GPHN: variants seen among roughly 807,000 people sequenced by gnomAD.
GPHN encodes gephyrin.
Under a neutral mutation model 95.5 loss-of-function variants are expected in GPHN, and 17 were observed. That is an observed-to-expected ratio of 0.18 (90% CI 0.12 to 0.27). The LOEUF is 0.27. GPHN is among the 10% of genes least tolerant of loss of function. The probability of loss-of-function intolerance (pLI) is 1.00; values close to 1 mark genes in which losing one functional copy is unlikely to be tolerated. For missense variants in GPHN, 660 were observed against 978.1 expected (o/e 0.67, Z 4.34); for synonymous variants, 320 against 322.5 (o/e 0.99, Z 0.08).
intron 1 of GPHN, among the ~76,000 whole-genome samples, chr14:66,562,393 A>C (rs1236686597): frequency 7.9e-5 from 12 of 152,178 alleles, no homozygotes; most frequent in Admixed American, 7.9e-4. Context: ...TCATTTTTAC[A>C]ATATATACAT....
Position 67,069,514 on chromosome 14 carries a change from G to C in GPHN, c.1144+10728G>C, listed in dbSNP as rs560980877. 4.0e-4 allele frequency among the ~76,000 whole-genome samples: 61 copies of C among 152,362 alleles called. No individual in the cohort carries two copies. In the South Asian group the frequency reaches 0.012, roughly 31 times the overall value. On this transcript the variant is annotated intron_variant, in intron 11 of 22. Coordinates refer to ENST00000478722, the MANE Select transcript of GPHN (RefSeq NM_020806.5). ...ATGTGCCGTGGTCAGTATTCTAAAA[G>C]AGATACTTCACTGCTACAAACTTAG...
intron 1 of GPHN, among the ~76,000 whole-genome samples, chr14:66,541,293 G>C (rs1188600424): frequency 6.6e-6 from 1 of 152,148 alleles, no homozygotes; most frequent in African/African-American, 2.4e-5. Flanking sequence ...TGGCATGTTA[G>C]TGTCATCACT....
At chr14:67,027,066 T>C (rs1002120431) in intron 10 of GPHN, among the ~76,000 whole-genome samples, 2 of 152,230 alleles carry the variant, frequency 1.3e-5, no homozygotes, top group African/African-American at 2.4e-5. Flanking sequence ...TGATAGCTGG[T>C]ATATCCGTGG....
At chr14:66,792,848 C>G (rs554309026) in intron 3 of GPHN, among the ~76,000 whole-genome samples, 17 of 152,346 alleles carry the variant, frequency 1.1e-4, no homozygotes, top group African/African-American at 3.8e-4. Flanking sequence ...AACAGCAAGC[C>G]AGTCATTAGC....
the GPHN span, chr14:67,578,070 CT>C: frequency 1.9e-6 from 3 of 1,613,952 alleles, no homozygotes; most frequent in Non-Finnish European, 2.5e-6. The surrounding 1 kb of genome is among the most constrained non-coding windows in gnomAD (Gnocchi z 5.0). Flanking sequence ...CCTCGGTGGA[CT>C]ACCATGTGTC....
rs149980855 is a variant in GPHN, at chr14:66,526,090, C to T, written c.64+17499C>T. On this transcript the variant is annotated intron_variant, in intron 1 of 22. Coordinates refer to ENST00000478722, the MANE Select transcript of GPHN (RefSeq NM_020806.5). ...ATAAATTACTTTGGGCAGCATGGCT[C>T]ACCATACTGATTCTCCCTATCCATT... 1.1e-3 allele frequency among the ~76,000 whole-genome samples: 173 copies of T among 150,674 alleles called. No homozygotes were observed. In the Middle Eastern group the frequency reaches 0.014, roughly 12 times the overall value.
At chr14:66,641,554 A>G (rs1177290137) in intron 1 of GPHN, among the ~76,000 whole-genome samples, 2 of 152,090 alleles carry the variant, frequency 1.3e-5, no homozygotes, top group African/African-American at 4.8e-5. Context: ...GCAAAAATTG[A>G]TAGAAGCAAA....
intron 5 of GPHN, among the ~76,000 whole-genome samples, chr14:66,895,820 G>A (rs1185949611): frequency 6.6e-6 from 1 of 152,026 alleles, no homozygotes; most frequent in Non-Finnish European, 1.5e-5. Context: ...GATACAGGAG[G>A]GAAAAGAGAG....
intron 10 of GPHN, among the ~76,000 whole-genome samples, chr14:67,039,043 G>C (rs1278143859): frequency 6.6e-6 from 1 of 152,092 alleles, no homozygotes; most frequent in East Asian, 1.9e-4. Flanking sequence ...TCTTCCATCA[G>C]TCAAGTATTA....
At chr14:67,384,364 G>A in the GPHN span, 1 of 138,982 alleles carries the variant, frequency 7.2e-6, no homozygotes, top group South Asian at 2.4e-4. Context: ...AACACTTACT[G>A]TTGTTTTTTT....
At chr14:67,287,182 G>A in the GPHN span, among the ~76,000 whole-genome samples, 4 of 151,988 alleles carry the variant, frequency 2.6e-5, no homozygotes, top group African/African-American at 4.8e-5. Context: ...TCACACCACC[G>A]AACTCTAGCC....
At chr14:67,571,865 G>C in the GPHN span, 1 of 1,613,380 alleles carries the variant, frequency 6.2e-7, no homozygotes, top group Non-Finnish European at 8.5e-7. Flanking sequence ...AGTCCAGGAA[G>C]ACCAGCGGAC....
At chr14:67,685,386 G>C in the GPHN span, among the ~76,000 whole-genome samples, 2 of 152,160 alleles carry the variant, frequency 1.3e-5, no homozygotes, top group Non-Finnish European at 2.9e-5. Flanking sequence ...GAAGGCTCTA[G>C]AGTAGACAGT....
the GPHN span, chr14:67,678,341 G>A: frequency 6.2e-7 from 1 of 1,613,172 alleles, no homozygotes; most frequent in East Asian, 2.2e-5. Context: ...GGGAGGCCCA[G>A]CAGGTCACAA....
the GPHN span, chr14:67,728,342 A>T: frequency 7.0e-4 from 107 of 152,428 alleles, no homozygotes; most frequent in African/African-American, 2.5e-3. Flanking sequence ...CATTCCTGTG[A>T]GGTGGGTGCT....
intron 8 of GPHN, among the ~76,000 whole-genome samples, chr14:66,957,758 A>G (rs1395220622): frequency 1.3e-5 from 2 of 152,156 alleles, no homozygotes; most frequent in Non-Finnish European, 2.9e-5. Context: ...CCAAGGACTG[A>G]TACCAGTCCA....
At chr14:66,861,382 C>A (rs551098585) in intron 4 of GPHN, among the ~76,000 whole-genome samples, 6 of 151,896 alleles carry the variant, frequency 4.0e-5, no homozygotes, top group Non-Finnish European at 5.9e-5. Context: ...GAGATAGATT[C>A]CAATACAATA....
At chr14:67,732,904 C>T in the GPHN span, among the ~76,000 whole-genome samples, 2 of 152,184 alleles carry the variant, frequency 1.3e-5, no homozygotes, top group African/African-American at 4.8e-5. Context: ...CTTCTTTTAT[C>T]AGCACTGCAT....
At chr14:67,356,509 G>A in the GPHN span, among the ~76,000 whole-genome samples, 13 of 151,664 alleles carry the variant, frequency 8.6e-5, no homozygotes, top group Non-Finnish European at 1.5e-4. Context: ...TTTACCATAG[G>A]GCTAAGATCA....
Sources: allele counts gnomAD v4.1 joint callset (sites outside exome capture counted in the v4.1 genomes callset), GRCh38; gene constraint gnomAD v4.1.1; non-coding constraint Gnocchi (gnomAD v3.1); transcripts MANE v1.5; gene names NCBI Gene and HGNC (gene_info 2026-07-23, HGNC 2026-07-21).